Variants in SORCS3 observed in about 807,000 individuals in gnomAD.
SORCS3 encodes the protein sortilin related VPS10 domain containing receptor 3, also known as VPS10 domain-containing receptor SorCS3.
A neutral mutation model predicts 146.3 loss-of-function variants in SORCS3; 57 were observed. The observed-to-expected ratio is 0.39, with a 90% CI of 0.31 to 0.49. The LOEUF is 0.49. Among genes scored for constraint, SORCS3 ranks in the 20% least tolerant of loss-of-function variants. The pLI is 0.92. For synonymous variants in SORCS3, 653 were observed against 618.5 expected, an observed-to-expected ratio of 1.06 and a Z score of -0.83; for missense variants, 1,341 against 1,575.5, an observed-to-expected ratio of 0.85 and a Z score of 2.52.
intron 5 of SORCS3, among the ~76,000 whole-genome samples, chr10:105,063,698 A>G (rs748100015): frequency 1.9e-4 from 29 of 152,296 alleles, no homozygotes; most frequent in Middle Eastern, 6.8e-3. Flanking sequence ...CCACCAGAGC[A>G]TTTGCACCTT....
intron 2 of SORCS3, among the ~76,000 whole-genome samples, chr10:104,848,627 C>T (rs986443474): frequency 1.3e-4 from 20 of 152,108 alleles, no homozygotes; most frequent in Admixed American, 8.5e-4. Context: ...TGTGAGGTCC[C>T]GAAGGCTGGG....
intron 1 of SORCS3, among the ~76,000 whole-genome samples, chr10:104,836,761 G>A (rs79557942): frequency 1.9e-3 from 287 of 152,104 alleles, no homozygotes; most frequent in African/African-American, 6.6e-3. Context: ...GTGTCTCTGA[G>A]TGGATCCTGC....
chr10:104,740,435 C>T (rs542930903), intron 1 of SORCS3, among the ~76,000 whole-genome samples: 5 of 152,270 alleles, frequency 3.3e-5, no homozygotes, highest in South Asian at 2.1e-4. Context: ...TGTACTGTTT[C>T]GACGCACCTC....
At chr10:105,118,356 C>A (rs968781419) in intron 7 of SORCS3, among the ~76,000 whole-genome samples, 2 of 152,116 alleles carry the variant, frequency 1.3e-5, no homozygotes, top group South Asian at 4.1e-4. Context: ...TGAGGCCTTC[C>A]CAGCCCTTCC....
intron 2 of SORCS3, among the ~76,000 whole-genome samples, chr10:104,861,565 C>T (rs1451462379): frequency 2.6e-5 from 4 of 152,154 alleles, no homozygotes; most frequent in East Asian, 1.9e-4. Context: ...CACTCATTCT[C>T]GTGTTTCCCC....
At chr10:105,155,131 T>A (rs1481132333) in intron 9 of SORCS3, among the ~76,000 whole-genome samples, 2 of 152,190 alleles carry the variant, frequency 1.3e-5, no homozygotes, top group Non-Finnish European at 2.9e-5. Context: ...TCTCAGAATA[T>A]GTGGGACACA....
At position 105,245,006 on chromosome 10, in the gene SORCS3, T is replaced by C. The variant is rs111688014; in HGVS notation, c.2869-536T>C. Among the ~76,000 whole-genome samples, 1,161 of 149,618 alleles carry C rather than the reference T, an allele frequency of 7.8e-3. 10 individuals carry two copies. Among genetic ancestry groups the C allele is most frequent in the African/African-American group, 0.027 (1,105 of 40,584 alleles). ...ATTGTTAGAACCCAGGAGGCGGAGG[T>C]TGCAGTGAGCCGAGATCGCATCATT... is the stretch of plus-strand genomic sequence containing the variant. On this transcript the variant is annotated intron_variant, in intron 20 of 26. Coordinates refer to ENST00000369701, the MANE Select transcript of SORCS3 (RefSeq NM_014978.3).
chr10:104,987,060 C>G (rs924570999), intron 4 of SORCS3, among the ~76,000 whole-genome samples: 1 of 151,960 alleles, frequency 6.6e-6, no homozygotes, highest in Non-Finnish European at 1.5e-5. Flanking sequence ...TGATGTATGC[C>G]TGTACGCATT....
At chr10:104,759,958 G>A (rs1364725259) in intron 1 of SORCS3, among the ~76,000 whole-genome samples, 1 of 152,154 alleles carries the variant, frequency 6.6e-6, no homozygotes, top group Non-Finnish European at 1.5e-5. Flanking sequence ...ACAAAACAAA[G>A]TAATGTACCG....
chr10:104,977,433 G>C lies in SORCS3; in HGVS notation c.894G>C (p.Gln298His). ...YQKYRLTFYI[Q>H]SLLFHPKQED... ...AGTATCGGCTCACCTTCTATATCCA[G>C]AGCCTGCTCTTTCATCCCAAGCAAG... is the stretch of plus-strand genomic sequence containing the variant. The change falls in exon 4 of 27, where the codon CAG becomes CAC. Residue 298 changes from glutamine (Q) to histidine (H), a missense_variant. Transcript: ENST00000369701. The C allele has an allele frequency of 6.2e-7, 1 of 1,613,716 alleles. No individual in the cohort carries two copies. The highest frequency in any genetic ancestry group is 8.5e-7 in the Non-Finnish European group (1 of 1,179,854).
chr10:104,937,354 A>G (rs1371981345), intron 3 of SORCS3, among the ~76,000 whole-genome samples: 1 of 152,210 alleles, frequency 6.6e-6, no homozygotes, highest in Non-Finnish European at 1.5e-5. Context: ...TCCCATTGCA[A>G]TTGGACTTCA....
chr10:105,242,450 TTATATATA>T (rs1320348461), intron 20 of SORCS3, among the ~76,000 whole-genome samples: 6 of 89,270 alleles, frequency 6.7e-5, no homozygotes, highest in East Asian at 3.2e-4. Context: ...TTATATATAT[TTATATATA>T]TTTATATATT....
At chr10:105,079,840 A>T (rs1011533522) in intron 5 of SORCS3, among the ~76,000 whole-genome samples, 1 of 152,172 alleles carries the variant, frequency 6.6e-6, no homozygotes, top group Admixed American at 6.6e-5. Flanking sequence ...TTAGTTTGCT[A>T]AGAAGAATTA....
intron 6 of SORCS3, among the ~76,000 whole-genome samples, chr10:105,102,553 T>C (rs1477573763): frequency 6.6e-6 from 1 of 151,946 alleles, no homozygotes; most frequent in East Asian, 1.9e-4. Flanking sequence ...GGGAGGAGGA[T>C]GAAAATAGAA....
At chr10:104,948,439 G>A (rs189527722) in intron 3 of SORCS3, among the ~76,000 whole-genome samples, 6 of 152,322 alleles carry the variant, frequency 3.9e-5, no homozygotes, top group South Asian at 4.1e-4. Flanking sequence ...CAGTGTGGAG[G>A]TAAGTGGAAT....
chr10:104,915,745 C>A, intron 2 of SORCS3, 88 bp from the exon 3 acceptor site: 1 of 1,042,942 alleles, frequency 9.6e-7, no homozygotes, highest in South Asian at 1.3e-5. Flanking sequence ...AGGTGCTGGT[C>A]GGTCGAGGGA....
At chr10:104,649,625 C>CA (rs538848185) in intron 1 of SORCS3, among the ~76,000 whole-genome samples, 6 of 152,262 alleles carry the variant, frequency 3.9e-5, no homozygotes, top group Admixed American at 3.9e-4. Flanking sequence ...TTCATGTCCC[C>CA]AGTCAATGAG....
intron 20 of SORCS3, among the ~76,000 whole-genome samples, chr10:105,241,901 G>A (rs907837828): frequency 6.6e-6 from 1 of 152,092 alleles, no homozygotes; most frequent in Non-Finnish European, 1.5e-5. Context: ...ACTAGGAAAG[G>A]GTAGGTATAT....
intron 17 of SORCS3, among the ~76,000 whole-genome samples, chr10:105,212,668 G>A (rs1361158324): frequency 2.0e-5 from 3 of 152,112 alleles, no homozygotes; most frequent in Non-Finnish European, 4.4e-5. Context: ...TGCTACAGAT[G>A]TCTACCAATA....
Sources: allele counts gnomAD v4.1 joint callset (sites outside exome capture counted in the v4.1 genomes callset), GRCh38; gene constraint gnomAD v4.1.1; transcripts MANE v1.5; gene names NCBI Gene and HGNC (gene_info 2026-07-23, HGNC 2026-07-21).